ABTB2: variants seen among roughly 807,000 people sequenced by gnomAD.
The protein encoded by ABTB2 is ankyrin repeat and BTB domain containing 2.
In ABTB2, 56 loss-of-function variants were observed where a neutral mutation model predicts 104.1. The ratio of observed to expected loss-of-function variants is 0.54; its 90% CI spans 0.43 to 0.67. The LOEUF is 0.67. Among genes scored for constraint, ABTB2 ranks in the 30% least tolerant of loss-of-function variants. The pLI is 0.00. For synonymous variants in ABTB2, 606 were observed against 608.2 expected, an observed-to-expected ratio of 1.00 and a Z score of 0.05; for missense variants, 1,279 against 1,407.7, an observed-to-expected ratio of 0.91 and a Z score of 1.46.
rs753561841 is a variant in ABTB2 at position 34,165,285 on chromosome 11, C to T, written c.1827G>A (p.Thr609=). The stretch of plus-strand genomic sequence containing the variant: ...CTGCCGCAGAGGCCAGCTGCAGGGG[C>T]GTCTCCGCATAGCTGTCCTCGCCGC... ...VNGGEDSYAE[T]PLQLASAAGN... The change falls in exon 8 of 17, where the codon ACG becomes ACA. Residue 609 remains threonine (T), a synonymous_variant. Coordinates refer to ENST00000435224, the MANE Select transcript of ABTB2 (RefSeq NM_145804.3). 9 of 1,562,326 alleles carry T rather than the reference C, an allele frequency of 5.8e-6. No homozygotes were observed. The highest frequency in any genetic ancestry group is 2.4e-5 in the East Asian group (1 of 41,496).
intron 3 of ABTB2, among the ~76,000 whole-genome samples, chr11:34,176,776 A>G (rs1852965486): frequency 6.6e-6 from 1 of 152,244 alleles, no homozygotes; most frequent in Non-Finnish European, 1.5e-5. Flanking sequence ...CTGCCCAGAA[A>G]AGAATGGTGT....
In ABTB2 at chr11:34,357,791, TC is replaced by T. The variant is rs566677611; in HGVS notation, c.-209del. The T allele has an allele frequency of 3.0e-5, 16 of 540,996 alleles. No individual in the cohort carries two copies. In the East Asian group the frequency reaches 4.5e-4, roughly 15 times the overall value. The allele number at this position is 540,996 out of a possible 1,614,324, so 33.5% of individuals were successfully genotyped here. ...CAGCAGGAGCCCCACGCTCCCGGCG[TC>T]CCGACTCGCAGCTGCCACTGGAAAG... On this transcript the variant is annotated 5_prime_UTR_variant, in exon 1 of 17. Coordinates refer to ENST00000435224, the MANE Select transcript of ABTB2 (RefSeq NM_145804.3).
At chr11:34,229,265 A>G (rs71482805) in intron 1 of ABTB2, among the ~76,000 whole-genome samples, 45,869 of 151,448 alleles carry the variant, frequency 0.3, 7,323 homozygotes, top group Non-Finnish European at 0.37. Flanking sequence ...GGCGGATCAC[A>G]AAGTCAGGAG....
intron 1 of ABTB2, among the ~76,000 whole-genome samples, chr11:34,321,923 T>G (rs1855009068): frequency 6.6e-6 from 1 of 152,140 alleles, no homozygotes; most frequent in Non-Finnish European, 1.5e-5. Flanking sequence ...TTCAGGACAG[T>G]CGGGACTCAC....
At chr11:34,229,442 C>T (rs1207653909) in intron 1 of ABTB2, among the ~76,000 whole-genome samples, 2 of 149,534 alleles carry the variant, frequency 1.3e-5, no homozygotes, top group Admixed American at 6.7e-5. Context: ...GATCGCACCA[C>T]TGCACTCCAG....
chr11:34,231,597 G>GTTTCT (rs1853769820), intron 1 of ABTB2, among the ~76,000 whole-genome samples: 1 of 152,170 alleles, frequency 6.6e-6, no homozygotes, highest in Admixed American at 6.5e-5. Context: ...CTGAGACGAA[G>GTTTCT]TTTCACTCAG....
intron 1 of ABTB2, among the ~76,000 whole-genome samples, chr11:34,307,055 C>T (rs1007388616): frequency 1.8e-4 from 27 of 151,464 alleles, no homozygotes; most frequent in African/African-American, 5.8e-4. Context: ...AGGGCCACTG[C>T]GTGTAGGGTA....
At chr11:34,225,008 G>C (rs1853669401) in intron 1 of ABTB2, among the ~76,000 whole-genome samples, 1 of 152,206 alleles carries the variant, frequency 6.6e-6, no homozygotes, top group Admixed American at 6.5e-5. Context: ...TTCAGAGAAT[G>C]TGGATTTATT....
At chr11:34,166,505 G>A (rs1194415567) in intron 7 of ABTB2, among the ~76,000 whole-genome samples, 1 of 152,020 alleles carries the variant, frequency 6.6e-6, no homozygotes, top group Non-Finnish European at 1.5e-5. Flanking sequence ...ACAGCCACTC[G>A]CTGAGTCCTT....
At chr11:34,167,835 T>G in intron 6 of ABTB2, 68 bp downstream of exon 6, 1 of 1,520,832 alleles carries the variant, frequency 6.6e-7, no homozygotes, top group Non-Finnish European at 9.1e-7. Flanking sequence ...CCCAGCGTGT[T>G]TGTTGGAGCC....
At chr11:34,353,285 A>G (rs1855422017) in intron 1 of ABTB2, among the ~76,000 whole-genome samples, 1 of 152,174 alleles carries the variant, frequency 6.6e-6, no homozygotes, top group South Asian at 2.1e-4. Context: ...ACACTCACAA[A>G]AGCTTAGTAA....
Position 34,327,005 on chromosome 11 carries a change from G to A in ABTB2, c.883+29696C>T, listed in dbSNP as rs11032616. ...CAGGAGAATCGCTTAAACCCGGGAG[G>A]TGGAGGTTGCAGTGAGCCAAGATTG... On this transcript the variant is annotated intron_variant, in intron 1 of 16. Coordinates refer to ENST00000435224, the MANE Select transcript of ABTB2 (RefSeq NM_145804.3). Among the ~76,000 whole-genome samples, 1,113 of 152,324 alleles carry A rather than the reference G, an allele frequency of 7.3e-3. 13 individuals carry two copies. The highest frequency in any genetic ancestry group is 0.025 in the African/African-American group (1,059 of 41,564).
At chr11:34,205,237 T>TC (rs1444183936) in intron 1 of ABTB2, among the ~76,000 whole-genome samples, 8 of 152,188 alleles carry the variant, frequency 5.3e-5, no homozygotes, top group Non-Finnish European at 2.9e-5. Flanking sequence ...TCCTCTCCTT[T>TC]CCCCATGCTG....
intron 1 of ABTB2, among the ~76,000 whole-genome samples, chr11:34,241,544 G>T (rs1211939683): frequency 6.6e-6 from 1 of 152,176 alleles, no homozygotes; most frequent in Non-Finnish European, 1.5e-5. Flanking sequence ...GACCCAGCAG[G>T]ACTGTTTTGC....
rs1261343285 is a variant in ABTB2 at position 34,335,927 on chromosome 11, C to T, written c.883+20774G>A. 7.4e-6 allele frequency: 5 copies of T among 678,818 alleles called. No individual in the cohort carries two copies. The East Asian group carries it at 1.3e-4, about 18-fold the overall frequency. The allele number at this position is 678,818 out of a possible 1,614,324, so 42.0% of individuals were successfully genotyped here. A position where few individuals can be genotyped will look rare whatever the true frequency, so the allele number is the denominator to read the frequency against. ...TGCGGTTGAAAAGGCTTTGGGATTGCCAACGTTTTAACTAAAGAGTAAAAT... is the reference window on the plus strand; with the variant it reads ...TGCGGTTGAAAAGGCTTTGGGATTGTCAACGTTTTAACTAAAGAGTAAAAT... On this transcript the variant is annotated intron_variant, in intron 1 of 16. Coordinates refer to ENST00000435224, the MANE Select transcript of ABTB2 (RefSeq NM_145804.3).
chr11:34,312,478 G>T (rs535643646), intron 1 of ABTB2, among the ~76,000 whole-genome samples: 5 of 152,318 alleles, frequency 3.3e-5, no homozygotes, highest in African/African-American at 1.2e-4. Context: ...TGGCCATTCC[G>T]CAGGGCTTGA....
At chr11:34,283,514 C>A (rs1854472015) in intron 1 of ABTB2, among the ~76,000 whole-genome samples, 1 of 152,114 alleles carries the variant, frequency 6.6e-6, no homozygotes, top group Non-Finnish European at 1.5e-5. Context: ...CCACACCCAG[C>A]CTGTAAAAAA....
chr11:34,292,434 A>AC (rs1021969414), intron 1 of ABTB2, among the ~76,000 whole-genome samples: 8 of 152,142 alleles, frequency 5.3e-5, no homozygotes, highest in African/African-American at 1.9e-4. Flanking sequence ...GGCAGCCTTC[A>AC]CAGACCATGT....
At chr11:34,200,992 C>A (rs539307071) in intron 2 of ABTB2, among the ~76,000 whole-genome samples, 1 of 152,240 alleles carries the variant, frequency 6.6e-6, no homozygotes, top group South Asian at 2.1e-4. Flanking sequence ...TTTTAAAAAT[C>A]GGGCTTGCAT....
Sources: allele counts gnomAD v4.1 joint callset (sites outside exome capture counted in the v4.1 genomes callset), GRCh38; gene constraint gnomAD v4.1.1; transcripts MANE v1.5; gene names NCBI Gene and HGNC (gene_info 2026-07-23, HGNC 2026-07-21).